GABRB2: variants seen among roughly 807,000 people sequenced by gnomAD.
GABRB2 encodes gamma-aminobutyric acid receptor subunit beta-2.
In GABRB2, 16 loss-of-function variants were observed where a neutral mutation model predicts 54.7. That is an observed-to-expected ratio of 0.29 (90% CI 0.20 to 0.44). GABRB2 has a LOEUF of 0.44. GABRB2 is among the 20% of genes least tolerant of loss of function. The pLI is 1.00. For synonymous variants in GABRB2, 244 were observed against 233.8 expected (o/e 1.04, Z -0.40); for missense variants, 355 against 644.0 (o/e 0.55, Z 4.86).
intron 5 of GABRB2, among the ~76,000 whole-genome samples, chr5:161,345,469 T>A (rs961834477): frequency 6.6e-6 from 1 of 152,054 alleles, no homozygotes; most frequent in African/African-American, 2.4e-5. Flanking sequence ...CATTTTCTAT[T>A]ATTCTTATTC....
chr5:161,502,183 G>A (rs1759465317), intron 3 of GABRB2, among the ~76,000 whole-genome samples: 1 of 151,534 alleles, frequency 6.6e-6, no homozygotes, highest in Non-Finnish European at 1.5e-5. Context: ...GGGAAATCAT[G>A]ATCTAAATTA....
At chr5:161,335,648 G>A (rs1753970349) in intron 6 of GABRB2, among the ~76,000 whole-genome samples, 1 of 152,124 alleles carries the variant, frequency 6.6e-6, no homozygotes, top group Admixed American at 6.5e-5. Context: ...CTCATTGTTT[G>A]GAAGAAAGCC....
At chr5:161,428,486 C>A (rs951648321) in intron 4 of GABRB2, among the ~76,000 whole-genome samples, 1 of 152,054 alleles carries the variant, frequency 6.6e-6, no homozygotes, top group African/African-American at 2.4e-5. Flanking sequence ...CCCTGGGTAA[C>A]CACTGTTTTA....
At chr5:161,421,330 A>T (rs1003204903) in intron 4 of GABRB2, among the ~76,000 whole-genome samples, 6 of 152,142 alleles carry the variant, frequency 3.9e-5, no homozygotes, top group African/African-American at 1.4e-4. Flanking sequence ...ATCTGGCAGG[A>T]GTGTTGCCAT....
At chr5:161,533,623 A>G (rs933572049) in intron 3 of GABRB2, among the ~76,000 whole-genome samples, 1 of 152,100 alleles carries the variant, frequency 6.6e-6, no homozygotes, top group Non-Finnish European at 1.5e-5. Flanking sequence ...TTTTCAAATA[A>G]TCTATAGCAG....
chr5:161,442,506 G>A (rs1024328824), intron 4 of GABRB2, among the ~76,000 whole-genome samples: 1 of 152,196 alleles, frequency 6.6e-6, no homozygotes, highest in Non-Finnish European at 1.5e-5. Context: ...TCCCTGTGGA[G>A]TTGTAACTGA....
At chr5:161,365,957 T>C (rs1435293567) in intron 5 of GABRB2, among the ~76,000 whole-genome samples, 1 of 151,764 alleles carries the variant, frequency 6.6e-6, no homozygotes, top group African/African-American at 2.4e-5. Context: ...ACACTCCTTA[T>C]GCCTGGGGTT....
chr5:161,428,458 C>T (rs1757077019), intron 4 of GABRB2, among the ~76,000 whole-genome samples: 1 of 152,192 alleles, frequency 6.6e-6, no homozygotes, highest in Middle Eastern at 3.4e-3. Flanking sequence ...CCTATATCTC[C>T]TCATTTCATC....
chr5:161,486,524 C>T (rs1561667837), intron 3 of GABRB2, among the ~76,000 whole-genome samples: 1 of 151,942 alleles, frequency 6.6e-6, no homozygotes, highest in East Asian at 1.9e-4. Flanking sequence ...ATGATATGCC[C>T]CAGCCTGGTT....
intron 3 of GABRB2, among the ~76,000 whole-genome samples, chr5:161,528,600 A>C (rs1276501428): frequency 6.6e-6 from 1 of 151,836 alleles, no homozygotes; most frequent in Non-Finnish European, 1.5e-5. Flanking sequence ...TGACCTTTTC[A>C]GAATAATTAC....
At chr5:161,528,101 A>C (rs1760337832) in intron 3 of GABRB2, among the ~76,000 whole-genome samples, 1 of 151,814 alleles carries the variant, frequency 6.6e-6, no homozygotes, top group Admixed American at 6.6e-5. Context: ...CTGCATTCAC[A>C]CAAGGGAATT....
At chr5:161,298,780 A>C (rs1019719634) in intron 9 of GABRB2, among the ~76,000 whole-genome samples, 2 of 152,220 alleles carry the variant, frequency 1.3e-5, no homozygotes, top group African/African-American at 4.8e-5. Flanking sequence ...GAACTTTGTG[A>C]GTACAATTAG....
At chr5:161,394,469 A>G (rs554896291) in intron 5 of GABRB2, among the ~76,000 whole-genome samples, 5 of 152,048 alleles carry the variant, frequency 3.3e-5, no homozygotes, top group Non-Finnish European at 4.4e-5. Flanking sequence ...AAAACTGATC[A>G]ATGATAGAGA....
At chr5:161,334,956 A>G (rs768071660) in intron 6 of GABRB2, 52 bp from the exon 7 acceptor site, 2 of 1,571,750 alleles carry the variant, frequency 1.3e-6, no homozygotes, top group Admixed American at 1.7e-5. Flanking sequence ...TTTATAGGAT[A>G]CTTTTCTTTA....
chr5:161,290,372 G>A lies in GABRB2; in HGVS notation c.*3709C>T, dbSNP rs1028299869. 1 of 152,368 alleles carries A rather than the reference G, an allele frequency of 6.6e-6. No homozygotes were observed. Among genetic ancestry groups the A allele is most frequent in the Non-Finnish European group, 1.5e-5 (1 of 67,978 alleles). The allele number at this position is 152,368 out of a possible 1,614,324, so 9.4% of individuals were successfully genotyped here. The stretch of plus-strand genomic sequence containing the variant: ...CTTGAAAAAGAGAGCAATTAGACAA[G>A]CAATGTGACAACTACTTAACTTCTG... On this transcript the variant is annotated 3_prime_UTR_variant, in exon 10 of 10. Transcript: ENST00000393959.
At position 161,294,023 on chromosome 5, in the gene GABRB2, G is replaced by C. The variant is rs1411271368; in HGVS notation, c.*58C>G. 9 of 1,305,402 alleles carry C rather than the reference G, an allele frequency of 6.9e-6. No homozygotes were observed. The highest frequency in any genetic ancestry group is 9.8e-6 in the Non-Finnish European group (9 of 919,262). The allele number at this position is 1,305,402 out of a possible 1,614,324, so 80.9% of individuals were successfully genotyped here. On this transcript the variant is annotated 3_prime_UTR_variant, in exon 10 of 10. Coordinates refer to ENST00000393959, the MANE Select transcript of GABRB2 (RefSeq NM_001371727.1). ...GATGTGTTTTCCAAGTCCTACATCAGGCTGTACAACTGGTTTGAGGAGGAA... is the reference window on the plus strand; with the variant it reads ...GATGTGTTTTCCAAGTCCTACATCACGCTGTACAACTGGTTTGAGGAGGAA...
At chr5:161,545,379 G>T in intron 2 of GABRB2, 85 bp from the exon 3 acceptor site, 1 of 882,096 alleles carries the variant, frequency 1.1e-6, no homozygotes, top group Non-Finnish European at 1.6e-6. Context: ...AAGACACTCT[G>T]CCCAAAACCC....
chr5:161,509,798 A>G (rs1159403633), intron 3 of GABRB2, among the ~76,000 whole-genome samples: 1 of 151,934 alleles, frequency 6.6e-6, no homozygotes, highest in Non-Finnish European at 1.5e-5. Flanking sequence ...TATTGCTACT[A>G]TCTTAGGAAA....
chr5:161,399,950 T>G (rs17059412), intron 5 of GABRB2, among the ~76,000 whole-genome samples: 13,972 of 152,186 alleles, frequency 0.092, 753 homozygotes, highest in East Asian at 0.17. Context: ...AATGTAATTT[T>G]CATGGAGCTG....
Sources: allele counts gnomAD v4.1 joint callset (sites outside exome capture counted in the v4.1 genomes callset), GRCh38; gene constraint gnomAD v4.1.1; transcripts MANE v1.5; gene names NCBI Gene and HGNC (gene_info 2026-07-23, HGNC 2026-07-21).